The following RTN1 variants were observed in gnomAD, a reference collection of about 807,000 sequenced individuals.
RTN1 encodes the protein reticulon-1.
RTN1 carries 25 observed loss-of-function variants against 65.5 expected under a neutral mutation model. The ratio of observed to expected loss-of-function variants is 0.38; its 90% confidence interval spans 0.28 to 0.53. The LOEUF (loss-of-function observed/expected upper bound fraction) is 0.53, where lower values mean the gene tolerates loss of function less well. RTN1 is among the 20% of genes least tolerant of loss of function. RTN1 has a pLI of 0.79. For synonymous variants in RTN1, 471 were observed against 447.6 expected, an observed-to-expected ratio of 1.05 and a Z score of -0.66; for missense variants, 983 against 1,025.4, an observed-to-expected ratio of 0.96 and a Z score of 0.57.
intron 6 of RTN1, 51 bp from the exon 7 acceptor site, chr14:59,603,309 TACG>T (rs745868323): frequency 7.1e-7 from 1 of 1,408,504 alleles, no homozygotes; most frequent in Non-Finnish European, 1.0e-6. Flanking sequence ...TCAATAAGAA[TACG>T]CTTATAGACA....
intron 1 of RTN1, among the ~76,000 whole-genome samples, chr14:59,772,621 A>G (rs922312066): frequency 6.6e-6 from 1 of 152,032 alleles, no homozygotes; most frequent in Non-Finnish European, 1.5e-5. Context: ...CTAAATCATA[A>G]AACTATGATG....
chr14:59,840,743 T>C (rs1312549576), intron 1 of RTN1, among the ~76,000 whole-genome samples: 1 of 152,198 alleles, frequency 6.6e-6, no homozygotes, highest in African/African-American at 2.4e-5. Flanking sequence ...TTAGCAATAA[T>C]ATTTTCTCAT....
At chr14:59,697,476 T>G (rs1197113133) in intron 3 of RTN1, among the ~76,000 whole-genome samples, 1 of 152,176 alleles carries the variant, frequency 6.6e-6, no homozygotes, top group Non-Finnish European at 1.5e-5. Context: ...ATTAAAGGAT[T>G]TGAGCTCTCA....
chr14:59,710,282 T>G (rs1190753868), intron 3 of RTN1, among the ~76,000 whole-genome samples: 1 of 152,052 alleles, frequency 6.6e-6, no homozygotes, highest in African/African-American at 2.4e-5. Flanking sequence ...CCTGGCTGGG[T>G]CTCCCAAAGT....
chr14:59,833,202 G>C (rs1594760178), intron 1 of RTN1, among the ~76,000 whole-genome samples: 1 of 152,300 alleles, frequency 6.6e-6, no homozygotes, highest in African/African-American at 2.4e-5. Flanking sequence ...AGAAAAAATA[G>C]TGATAAGATA....
intron 3 of RTN1, among the ~76,000 whole-genome samples, chr14:59,724,580 T>C (rs1430651946): frequency 6.6e-6 from 1 of 152,128 alleles, no homozygotes; most frequent in Non-Finnish European, 1.5e-5. Flanking sequence ...AAGAACAGCC[T>C]GGGGCTGGGC....
chr14:59,727,596 G>A lies in RTN1; in HGVS notation c.1088C>T (p.Ala363Val), dbSNP rs143407840. The change falls in exon 3 of 9, where the codon GCA becomes GTA. Residue 363 changes from alanine (A) to valine (V), a missense_variant. Transcript: ENST00000267484. The surrounding 1 kb of genome is among the most constrained non-coding windows in gnomAD (Gnocchi z 4.2). ...EDELITAIKE[A>V]KGLSYETAEN... Reference sequence around the variant, plus strand: ...GGCGGTTTCATACGATAATCCCTTTGCTTCTTTGATGGCGGTGATCAGCTC... The same window carrying A: ...GGCGGTTTCATACGATAATCCCTTTACTTCTTTGATGGCGGTGATCAGCTC... The A allele has an allele frequency of 1.6e-5, 25 of 1,612,764 alleles. No individual in the cohort carries two copies. The highest frequency in any genetic ancestry group is 1.8e-5 in the Non-Finnish European group (21 of 1,179,804).
chr14:59,662,050 G>A (rs1033816588), intron 3 of RTN1, among the ~76,000 whole-genome samples: 8 of 152,112 alleles, frequency 5.3e-5, no homozygotes, highest in African/African-American at 1.7e-4. Context: ...AACTTGATAA[G>A]CAACTTCAGT....
At chr14:59,680,274 G>C (rs937839288) in intron 3 of RTN1, among the ~76,000 whole-genome samples, 1 of 151,946 alleles carries the variant, frequency 6.6e-6, no homozygotes, top group Non-Finnish European at 1.5e-5. Context: ...AAAAAGGAAA[G>C]AGCAATCCCT....
At chr14:59,726,021 C>T (rs147223869) in intron 3 of RTN1, among the ~76,000 whole-genome samples, 26 of 152,232 alleles carry the variant, frequency 1.7e-4, no homozygotes, top group African/African-American at 5.5e-4. Context: ...AGTGTTCTCT[C>T]CCCAGGAACA....
Position 59,603,142 on chromosome 14 carries a change from A to AG in RTN1, c.2230-20_2230-19insC. 1 of 1,612,272 alleles carries AG rather than the reference A, an allele frequency of 6.2e-7. No individual in the cohort carries two copies. Among genetic ancestry groups the AG allele is most frequent in the South Asian group, 1.1e-5 (1 of 90,448 alleles). On this transcript the variant is annotated intron_variant, in intron 7 of 8. Coordinates refer to ENST00000267484, the MANE Select transcript of RTN1 (RefSeq NM_021136.3). ...TCTGTGCCTACATAAAGAAAAAAAA[A>AG]ATAATGAGCATATCCAAAGATGATG...
chr14:59,618,451 C>T (rs1239128044), intron 3 of RTN1, among the ~76,000 whole-genome samples: 2 of 152,196 alleles, frequency 1.3e-5, no homozygotes, highest in East Asian at 1.9e-4. Flanking sequence ...TGATTTCATC[C>T]CTGACCAATC....
intron 1 of RTN1, among the ~76,000 whole-genome samples, chr14:59,793,935 A>G (rs1424636100): frequency 1.3e-5 from 2 of 152,048 alleles, no homozygotes; most frequent in African/African-American, 2.4e-5. Context: ...TGTAACACAT[A>G]AGGCCCCATG....
At position 59,816,848 on chromosome 14, in the gene RTN1, A is replaced by T. The variant is rs1886829479; in HGVS notation, c.241+53542T>A. Among the ~76,000 whole-genome samples, 1 of 152,142 alleles carries T rather than the reference A, an allele frequency of 6.6e-6. No individual in the cohort carries two copies. On this transcript the variant is annotated intron_variant, in intron 1 of 8. Transcript: ENST00000267484. The surrounding 1 kb of genome is among the most constrained non-coding windows in gnomAD (Gnocchi z 4.3). Reference sequence around the variant, plus strand: ...CTCGGGAGGCTAAGGTGGGAGGATCACCTGAGCCTGAGAGGCGGAGGTTGC... The same window carrying T: ...CTCGGGAGGCTAAGGTGGGAGGATCTCCTGAGCCTGAGAGGCGGAGGTTGC...
chr14:59,611,227 C>A (rs1566660258), intron 3 of RTN1, among the ~76,000 whole-genome samples: 1 of 152,138 alleles, frequency 6.6e-6, no homozygotes, highest in Non-Finnish European at 1.5e-5. Context: ...TCCAGGATTG[C>A]CCTTGTGGCT....
At chr14:59,800,092 TGA>T (rs1933831905) in intron 1 of RTN1, among the ~76,000 whole-genome samples, 1 of 152,234 alleles carries the variant, frequency 6.6e-6, no homozygotes, top group South Asian at 2.1e-4. Context: ...TGCTGGAAGC[TGA>T]GAGTGAGGCA....
At chr14:59,730,286 C>G (rs1424400629) in intron 2 of RTN1, among the ~76,000 whole-genome samples, 3 of 152,040 alleles carry the variant, frequency 2.0e-5, no homozygotes, top group Non-Finnish European at 4.4e-5. Flanking sequence ...TATTTTGGGG[C>G]ATGAGAAGGA....
At chr14:59,837,658 T>TA (rs926554873) in intron 1 of RTN1, among the ~76,000 whole-genome samples, 15 of 151,870 alleles carry the variant, frequency 9.9e-5, no homozygotes, top group Non-Finnish European at 1.3e-4. Context: ...CAATAAACAT[T>TA]AAAAAAAACT....
intron 3 of RTN1, among the ~76,000 whole-genome samples, chr14:59,708,469 C>G (rs953884734): frequency 6.6e-6 from 1 of 152,242 alleles, no homozygotes; most frequent in Non-Finnish European, 1.5e-5. Flanking sequence ...CGTGGCTCAT[C>G]ATTTTCTCTC....
Sources: gnomAD v4.1 joint callset for allele counts (sites outside exome capture counted in the v4.1 genomes callset) on GRCh38, gnomAD v4.1.1 for gene constraint, Gnocchi (gnomAD v3.1) non-coding constraint, MANE v1.5 for transcripts, NCBI Gene and HGNC (gene_info 2026-07-23, HGNC 2026-07-21) for gene names.